AGBL1: variants seen among roughly 807,000 people sequenced by gnomAD.
AGBL1 encodes the protein cytosolic carboxypeptidase 4.
AGBL1 carries 130 observed loss-of-function variants against 118.9 expected under a neutral mutation model. The ratio of observed to expected loss-of-function variants is 1.09; its 90% confidence interval spans 0.95 to 1.26. The LOEUF is 1.26. AGBL1 is among the 50% of genes most tolerant of loss of function. AGBL1 has a pLI of 0.00. For synonymous variants in AGBL1, 555 were observed against 478.9 expected, an observed-to-expected ratio of 1.16 and a Z score of -2.08; for missense variants, 1,584 against 1,298.1, an observed-to-expected ratio of 1.22 and a Z score of -3.38.
chr15:86,664,743 G>T (rs2085612347), intron 21 of AGBL1, among the ~76,000 whole-genome samples: 1 of 151,898 alleles, frequency 6.6e-6, no homozygotes, highest in Non-Finnish European at 1.5e-5. Flanking sequence ...TCATTCCTTT[G>T]CCTTTTATTA....
At chr15:86,234,830 T>A (rs1301258087) in intron 6 of AGBL1, among the ~76,000 whole-genome samples, 1 of 152,200 alleles carries the variant, frequency 6.6e-6, no homozygotes, top group Non-Finnish European at 1.5e-5. Context: ...TGTTTTATTG[T>A]CATCACCATT....
chr15:87,013,109 C>A (rs144457246), intron 24 of AGBL1, among the ~76,000 whole-genome samples: 1 of 152,086 alleles, frequency 6.6e-6, no homozygotes, highest in Non-Finnish European at 1.5e-5. Flanking sequence ...CAAGTAATTG[C>A]GGTGGCTTCA....
At chr15:86,749,505 C>T (rs747310125) in intron 22 of AGBL1, among the ~76,000 whole-genome samples, 28,919 of 151,382 alleles carry the variant, frequency 0.19, 2,870 homozygotes, top group East Asian at 0.28. Flanking sequence ...CCTTTATTTC[C>T]TTCTCCTGCC....
intron 21 of AGBL1, among the ~76,000 whole-genome samples, chr15:86,592,351 G>C (rs548139205): frequency 9.9e-5 from 15 of 152,240 alleles, no homozygotes. Context: ...ACCAAGGCAA[G>C]TTTTAGAGCA....
rs148299913 is a variant in AGBL1 at position 86,233,318 on chromosome 15, G to A, written c.526+8367G>A. 2.5e-3 allele frequency among the ~76,000 whole-genome samples: 384 copies of A among 151,486 alleles called. 5 individuals carry two copies. The highest frequency in any genetic ancestry group is 9.0e-3 in the African/African-American group (372 of 41,308). The stretch of plus-strand genomic sequence containing the variant: ...AAATCAAACACTTGACTTCAGTTTG[G>A]TTTTTCAAACATGGGAGGGCTAGCC... On this transcript the variant is annotated intron_variant, in intron 6 of 22. Transcript: ENST00000614907.
chr15:86,487,256 A>G (rs979002805), intron 18 of AGBL1, among the ~76,000 whole-genome samples: 2 of 151,982 alleles, frequency 1.3e-5, no homozygotes, highest in East Asian at 3.9e-4. Context: ...TCCGCATGAA[A>G]ACTTCTCTCT....
intron 6 of AGBL1, among the ~76,000 whole-genome samples, chr15:86,245,231 C>T (rs1279381661): frequency 6.6e-6 from 1 of 152,082 alleles, no homozygotes; most frequent in Non-Finnish European, 1.5e-5. Flanking sequence ...ATTACATTTC[C>T]ATGTTATTGT....
chr15:86,861,677 C>CACCAA (rs2079560282), intron 22 of AGBL1, among the ~76,000 whole-genome samples: 1 of 152,136 alleles, frequency 6.6e-6, no homozygotes, highest in African/African-American at 2.4e-5. Flanking sequence ...TATGTGCTGG[C>CACCAA]ATATAGTGAG....
chr15:86,739,501 C>G (rs1296230725), intron 22 of AGBL1, among the ~76,000 whole-genome samples: 1 of 132,686 alleles, frequency 7.5e-6, no homozygotes, highest in Non-Finnish European at 1.6e-5. Flanking sequence ...CAGGATCCAT[C>G]AAGATTCATT....
chr15:86,849,864 A>C (rs1295748340), intron 22 of AGBL1, among the ~76,000 whole-genome samples: 2 of 152,228 alleles, frequency 1.3e-5, no homozygotes, highest in African/African-American at 2.4e-5. Flanking sequence ...AAACAGAGTG[A>C]GTAAGGCCTC....
chr15:86,701,513 A>G (rs568855614), intron 22 of AGBL1, among the ~76,000 whole-genome samples: 2 of 152,262 alleles, frequency 1.3e-5, no homozygotes, highest in South Asian at 4.1e-4. Context: ...TTAAATTGTG[A>G]AACAATAAGA....
chr15:86,786,949 GCAACTGGTGGTAC>G (rs2078420843), intron 22 of AGBL1, among the ~76,000 whole-genome samples: 1 of 152,136 alleles, frequency 6.6e-6, no homozygotes, highest in African/African-American at 2.4e-5. Flanking sequence ...AAATTGGTCT[GCAACTGGTGGTAC>G]CAATTTACAC....
chr15:86,120,620 C>A (rs1385565457), intron 1 of AGBL1, among the ~76,000 whole-genome samples: 2 of 152,184 alleles, frequency 1.3e-5, no homozygotes, highest in African/African-American at 4.8e-5. Flanking sequence ...CTGTCTCCAC[C>A]ATTGTGCCAC....
intron 22 of AGBL1, among the ~76,000 whole-genome samples, chr15:86,707,133 C>T (rs576558742): frequency 6.6e-6 from 1 of 152,266 alleles, no homozygotes; most frequent in East Asian, 1.9e-4. Flanking sequence ...TATTAGAGCA[C>T]TTCACTCAGC....
At chr15:86,319,637 G>A (rs187953416) in intron 17 of AGBL1, among the ~76,000 whole-genome samples, 92 of 149,836 alleles carry the variant, frequency 6.1e-4, no homozygotes, top group Non-Finnish European at 1.0e-3. Flanking sequence ...TGTTTTATTT[G>A]CCCATCTCTG....
chr15:86,480,218 A>G (rs938416958), intron 18 of AGBL1, among the ~76,000 whole-genome samples: 9 of 152,222 alleles, frequency 5.9e-5, no homozygotes, highest in African/African-American at 2.2e-4. Context: ...TAGGACTTAA[A>G]GTATAATAAT....
intron 18 of AGBL1, among the ~76,000 whole-genome samples, chr15:86,506,392 C>G (rs755293316): frequency 6.6e-6 from 1 of 152,064 alleles, no homozygotes; most frequent in African/African-American, 2.4e-5. Flanking sequence ...TTTCTACTAT[C>G]TGGGAGACCC....
At chr15:86,336,616 T>C (rs1484082771) in intron 17 of AGBL1, among the ~76,000 whole-genome samples, 1 of 152,144 alleles carries the variant, frequency 6.6e-6, no homozygotes, top group African/African-American at 2.4e-5. Flanking sequence ...GTTTCATCAG[T>C]GTAGAGTTGC....
intron 18 of AGBL1, among the ~76,000 whole-genome samples, chr15:86,410,503 C>G (rs1450540025): frequency 1.3e-5 from 2 of 151,994 alleles, no homozygotes; most frequent in East Asian, 3.9e-4. Context: ...CTCCTGTTTG[C>G]TCCACTTTTT....
Sources: gnomAD v4.1 joint callset for allele counts (sites outside exome capture counted in the v4.1 genomes callset) on GRCh38, gnomAD v4.1.1 for gene constraint, MANE v1.5 for transcripts, NCBI Gene and HGNC (gene_info 2026-07-23, HGNC 2026-07-21) for gene names.